Variants in MREG observed in about 807,000 individuals in gnomAD.
MREG encodes melanoregulin.
A neutral mutation model predicts 28.5 loss-of-function variants in MREG; 31 were observed. That is an observed-to-expected ratio of 1.09 (90% CI 0.82 to 1.47). MREG has a LOEUF of 1.47. MREG is among the 40% of genes most tolerant of loss of function. MREG has a pLI of 0.00. For synonymous variants in MREG, 106 were observed against 95.2 expected, an observed-to-expected ratio of 1.11 and a Z score of -0.66; for missense variants, 256 against 257.4, an observed-to-expected ratio of 0.99 and a Z score of 0.04.
intron 2 of MREG, among the ~76,000 whole-genome samples, chr2:215,953,897 C>T (rs917429211): frequency 1.9e-4 from 29 of 152,306 alleles, no homozygotes; most frequent in African/African-American, 7.0e-4. Context: ...CCCACCCTTG[C>T]CTCCAGGAAA....
At chr2:216,013,135 C>A in intron 1 of MREG, 98 bp downstream of exon 1, 2 of 1,073,630 alleles carry the variant, frequency 1.9e-6, no homozygotes, top group Non-Finnish European at 2.7e-6. Flanking sequence ...TCCAGCAAGC[C>A]CACCTCCCCA....
chr2:215,962,145 C>T (rs1331880435), intron 2 of MREG, among the ~76,000 whole-genome samples: 1 of 152,206 alleles, frequency 6.6e-6, no homozygotes, highest in Admixed American at 6.5e-5. Context: ...TTCCACGGCT[C>T]CACTTGAGTT....
intron 2 of MREG, among the ~76,000 whole-genome samples, chr2:215,989,446 T>A (rs1244322200): frequency 2.6e-5 from 4 of 152,108 alleles, no homozygotes; most frequent in South Asian, 2.1e-4. Flanking sequence ...GGAAGACCAG[T>A]GCAAAAAGGC....
chr2:215,963,114 C>T (rs1217144222), intron 2 of MREG, among the ~76,000 whole-genome samples: 3 of 151,378 alleles, frequency 2.0e-5, no homozygotes, highest in African/African-American at 4.9e-5. Flanking sequence ...GGTGACAGAG[C>T]GAGACCCTGT....
At chr2:215,981,856 G>C (rs2106001532) in intron 2 of MREG, among the ~76,000 whole-genome samples, 1 of 152,286 alleles carries the variant, frequency 6.6e-6, no homozygotes, top group African/African-American at 2.4e-5. Context: ...GAATATGGCA[G>C]AGGTATGCTT....
intron 2 of MREG, among the ~76,000 whole-genome samples, chr2:215,969,045 C>CAGGTGATT (rs1693018821): frequency 6.6e-6 from 1 of 152,240 alleles, no homozygotes; most frequent in South Asian, 2.1e-4. Context: ...AGGCGTGAGC[C>CAGGTGATT]ACTGCACCTG....
Position 216,030,307 on chromosome 2 carries a change from C to T in MREG, c.-68+2482G>A, listed in dbSNP as rs146951990. On this transcript the variant is annotated intron_variant, in intron 1 of 3. Transcript: ENST00000420348. ...GTCTCTCTCAGTACAGGGCAGGGGT[C>T]GGGGCTCTGAAGCCAAACTCCTTTG... is the stretch of plus-strand genomic sequence containing the variant. Among the ~76,000 whole-genome samples, 175 of 152,208 alleles carry T rather than the reference C, an allele frequency of 1.1e-3. 2 individuals are homozygous for T. Among genetic ancestry groups the T allele is most frequent in the Middle Eastern group, 3.4e-3 (1 of 294 alleles).
chr2:216,029,513 G>C (rs1694647893), intron 1 of MREG, among the ~76,000 whole-genome samples: 2 of 152,188 alleles, frequency 1.3e-5, no homozygotes, highest in Admixed American at 1.3e-4. Context: ...GGACGACAAA[G>C]GCAAAATGAT....
At chr2:216,008,666 C>T (rs1694222775) in intron 1 of MREG, among the ~76,000 whole-genome samples, 1 of 152,192 alleles carries the variant, frequency 6.6e-6, no homozygotes, top group Non-Finnish European at 1.5e-5. Flanking sequence ...AAAATAAAAT[C>T]TCAGTTTGCT....
upstream of MREG, among the ~76,000 whole-genome samples, chr2:216,014,854 T>C (rs1052877360): frequency 1.3e-5 from 2 of 152,218 alleles, no homozygotes; most frequent in Admixed American, 1.3e-4. Flanking sequence ...CAAGGTTCAA[T>C]CTAAAGTTTT....
At chr2:215,951,081 G>A (rs1296530220) in intron 2 of MREG, among the ~76,000 whole-genome samples, 1 of 152,086 alleles carries the variant, frequency 6.6e-6, no homozygotes, top group Non-Finnish European at 1.5e-5. Context: ...CTTTTGCCAT[G>A]AGTGTAAGTT....
chr2:215,971,140 G>C (rs1166954923), intron 2 of MREG, among the ~76,000 whole-genome samples: 1 of 152,102 alleles, frequency 6.6e-6, no homozygotes, highest in Non-Finnish European at 1.5e-5. Context: ...GGCCTGTCAG[G>C]GGATGGGGCG....
downstream of MREG, chr2:215,939,358 G>A (rs368844798): frequency 7.9e-5 from 12 of 152,164 alleles, no homozygotes; most frequent in African/African-American, 1.4e-4. Flanking sequence ...ACCAGGTGGC[G>A]TGTTACAATG....
intron 2 of MREG, among the ~76,000 whole-genome samples, chr2:215,965,212 C>T (rs1185029925): frequency 4.6e-5 from 7 of 152,218 alleles, no homozygotes; most frequent in African/African-American, 1.2e-4. Context: ...CATAACTCAT[C>T]TGATTTCAAA....
intron 1 of MREG, among the ~76,000 whole-genome samples, chr2:216,001,750 G>A (rs1356559687): frequency 6.6e-6 from 1 of 152,184 alleles, no homozygotes; most frequent in Admixed American, 6.5e-5. Flanking sequence ...CCCGTTCTCT[G>A]GGCCTGCCCC....
At chr2:215,969,092 C>A (rs1436832617) in intron 2 of MREG, among the ~76,000 whole-genome samples, 3 of 152,166 alleles carry the variant, frequency 2.0e-5, no homozygotes, top group African/African-American at 4.8e-5. Context: ...TTATTCTTCC[C>A]AGACATCAGA....
intron 1 of MREG, among the ~76,000 whole-genome samples, chr2:216,031,691 G>GAAAGAAAGAA (rs1473248845): frequency 7.7e-4 from 47 of 61,160 alleles, no homozygotes; most frequent in African/African-American, 1.6e-3. Context: ...AAGAAAGAAA[G>GAAAGAAAGAA]AGAAAGAAAG....
chr2:216,034,014 A>G (rs1694753072), upstream of MREG: 1 of 152,170 alleles, frequency 6.6e-6, no homozygotes, highest in Admixed American at 6.5e-5. Context: ...ATTTCAATAG[A>G]TGGCTCCTTT....
chr2:215,959,109 T>C (rs1260498596), intron 2 of MREG, among the ~76,000 whole-genome samples: 3 of 152,108 alleles, frequency 2.0e-5, no homozygotes, highest in African/African-American at 7.2e-5. Flanking sequence ...ATCTCTTCCT[T>C]TGCAGTCCTT....
Sources: allele counts gnomAD v4.1 joint callset (sites outside exome capture counted in the v4.1 genomes callset), GRCh38; gene constraint gnomAD v4.1.1; transcripts MANE v1.5; gene names NCBI Gene and HGNC (gene_info 2026-07-23, HGNC 2026-07-21).